SDCCAG8: variants seen among roughly 807,000 people sequenced by gnomAD.
The protein encoded by SDCCAG8 is SHH signaling and ciliogenesis regulator SDCCAG8.
A neutral mutation model predicts 101.8 loss-of-function variants in SDCCAG8; 74 were observed. That is an observed-to-expected ratio of 0.73 (90% CI 0.60 to 0.88). SDCCAG8 has a LOEUF of 0.88. SDCCAG8 is among the 40% of genes least tolerant of loss of function. The pLI is 0.00. For synonymous variants in SDCCAG8, 281 were observed against 292.9 expected (o/e 0.96, Z 0.41); for missense variants, 787 against 822.6 (o/e 0.96, Z 0.53).
intron 1 of SDCCAG8, among the ~76,000 whole-genome samples, chr1:243,260,000 A>G (rs2149247302): frequency 6.6e-6 from 1 of 152,326 alleles, no homozygotes; most frequent in South Asian, 2.1e-4. Flanking sequence ...ATCTTGGAGC[A>G]GCTCCACATT....
In SDCCAG8 at chr1:243,436,403, G is replaced by A. The variant is rs139494327; in HGVS notation, c.1985+9845G>A. 2.4e-3 allele frequency among the ~76,000 whole-genome samples: 361 copies of A among 152,026 alleles called. 5 individuals are homozygous for A. The highest frequency in any genetic ancestry group is 8.2e-3 in the African/African-American group (340 of 41,450). ...AAATCTGTGATCCATTTCAAGTTACGTTTTGTGAAGGGTGTAAAGTCTCTG... is the reference window on the plus strand; with the variant it reads ...AAATCTGTGATCCATTTCAAGTTACATTTTGTGAAGGGTGTAAAGTCTCTG... On this transcript the variant is annotated intron_variant, in intron 16 of 17. Transcript: ENST00000366541.
intron 5 of SDCCAG8, among the ~76,000 whole-genome samples, chr1:243,288,701 T>C (rs925027004): frequency 3.9e-5 from 6 of 152,130 alleles, no homozygotes; most frequent in African/African-American, 1.4e-4. Flanking sequence ...TGTTTCATAA[T>C]GCCTTTTAAG....
At chr1:243,362,691 AT>A (rs2076788105) in intron 12 of SDCCAG8, among the ~76,000 whole-genome samples, 1 of 152,126 alleles carries the variant, frequency 6.6e-6, no homozygotes, top group Admixed American at 6.5e-5. Flanking sequence ...TCTGTGTCCC[AT>A]TTTATCACAT....
Position 243,331,339 on chromosome 1 carries a change from C to T in SDCCAG8, c.1221+647C>T, listed in dbSNP as rs569127789. On this transcript the variant is annotated intron_variant, in intron 10 of 17. Coordinates refer to ENST00000366541, the MANE Select transcript of SDCCAG8 (RefSeq NM_006642.5). ...GACTCGAATTGAGCAAGTTGTGGTCCATCAAGTAACCAAAACAACTGTGTT... is the reference window on the plus strand; with the variant it reads ...GACTCGAATTGAGCAAGTTGTGGTCTATCAAGTAACCAAAACAACTGTGTT... Among the ~76,000 whole-genome samples, 3 of 152,274 alleles carry T rather than the reference C, an allele frequency of 2.0e-5. No individual in the cohort carries two copies. In the South Asian group the frequency reaches 6.2e-4, roughly 32 times the overall value.
intron 12 of SDCCAG8, among the ~76,000 whole-genome samples, chr1:243,347,467 T>A (rs75179745): frequency 2.0e-5 from 3 of 152,222 alleles, no homozygotes; most frequent in African/African-American, 7.2e-5. Context: ...CCCTTTTTAA[T>A]AGGAAATAAA....
intron 17 of SDCCAG8, among the ~76,000 whole-genome samples, chr1:243,495,508 C>T (rs1416157508): frequency 6.6e-6 from 1 of 152,286 alleles, no homozygotes; most frequent in Non-Finnish European, 1.5e-5. Flanking sequence ...CGCTGCCCTG[C>T]GATGGCCTTA....
At chr1:243,385,294 G>A (rs1361344379) in intron 13 of SDCCAG8, among the ~76,000 whole-genome samples, 3 of 152,292 alleles carry the variant, frequency 2.0e-5, no homozygotes, top group Middle Eastern at 3.4e-3. Flanking sequence ...GGAGGCTGAG[G>A]TGGGAGGATG....
chr1:243,343,253 A>G (rs924994663), intron 11 of SDCCAG8, among the ~76,000 whole-genome samples: 1 of 152,240 alleles, frequency 6.6e-6, no homozygotes, highest in African/African-American at 2.4e-5. Context: ...CCAAGAAAGC[A>G]TAACGGTGAG....
chr1:243,402,100 T>G (rs901825053), intron 13 of SDCCAG8, among the ~76,000 whole-genome samples: 14 of 151,916 alleles, frequency 9.2e-5, no homozygotes, highest in Non-Finnish European at 2.9e-5. Context: ...AAACCACACA[T>G]GTCATTTAAA....
intron 12 of SDCCAG8, among the ~76,000 whole-genome samples, chr1:243,370,794 A>G (rs574288962): frequency 1.3e-5 from 2 of 152,190 alleles, no homozygotes; most frequent in South Asian, 4.1e-4. Flanking sequence ...TATGCAAAGA[A>G]AAAAAAAGTT....
chr1:243,415,574 A>G, intron 13 of SDCCAG8, 128 bp from the exon 14 acceptor site: 2 of 1,310,516 alleles, frequency 1.5e-6, no homozygotes, highest in Non-Finnish European at 2.2e-6. Flanking sequence ...GAGGGTCATT[A>G]GAAAGGTCCT....
intron 16 of SDCCAG8, among the ~76,000 whole-genome samples, chr1:243,478,623 A>G (rs1371512698): frequency 1.3e-5 from 2 of 152,148 alleles, no homozygotes; most frequent in Admixed American, 6.5e-5. Flanking sequence ...TATTGAAACC[A>G]TTATTGAATA....
At chr1:243,277,472 A>G (rs1294105669) in intron 4 of SDCCAG8, among the ~76,000 whole-genome samples, 5 of 152,144 alleles carry the variant, frequency 3.3e-5, no homozygotes, top group African/African-American at 4.8e-5. Context: ...CAGGTCGTTC[A>G]CCCATTTTTA....
intron 7 of SDCCAG8, chr1:243,307,428 T>C: frequency 1.0e-6 from 1 of 982,292 alleles, no homozygotes; most frequent in Non-Finnish European, 1.2e-6. Flanking sequence ...AGTTTGTCGT[T>C]AGATAATTAT....
intron 6 of SDCCAG8, among the ~76,000 whole-genome samples, chr1:243,304,319 A>C (rs1362760902): frequency 6.6e-6 from 1 of 152,200 alleles, no homozygotes. Flanking sequence ...GTGATATAAA[A>C]CTTTACTTTT....
chr1:243,354,443 A>G (rs921363925), intron 12 of SDCCAG8, among the ~76,000 whole-genome samples: 3 of 152,220 alleles, frequency 2.0e-5, no homozygotes, highest in East Asian at 3.8e-4. Flanking sequence ...CTAGCCTTGT[A>G]AAGAGTTAAG....
At chr1:243,300,325 T>A (rs2071381373) in intron 6 of SDCCAG8, among the ~76,000 whole-genome samples, 1 of 152,224 alleles carries the variant, frequency 6.6e-6, no homozygotes, top group African/African-American at 2.4e-5. Context: ...TCAGTTTTTC[T>A]CTTAAATATT....
At chr1:243,336,141 G>A (rs1403300411) in intron 10 of SDCCAG8, among the ~76,000 whole-genome samples, 1 of 152,160 alleles carries the variant, frequency 6.6e-6, no homozygotes. Flanking sequence ...TTTGTTTTCT[G>A]TTGAATATAT....
intron 16 of SDCCAG8, among the ~76,000 whole-genome samples, chr1:243,479,432 C>A (rs1663056458): frequency 6.6e-6 from 1 of 152,162 alleles, no homozygotes; most frequent in South Asian, 2.1e-4. Flanking sequence ...CAAAAGCAGC[C>A]ATAGACAAAA....
Sources: allele counts gnomAD v4.1 joint callset (sites outside exome capture counted in the v4.1 genomes callset), GRCh38; gene constraint gnomAD v4.1.1; transcripts MANE v1.5; gene names NCBI Gene and HGNC (gene_info 2026-07-23, HGNC 2026-07-21).